MCTP2: variants seen among roughly 807,000 people sequenced by gnomAD.
MCTP2 encodes multiple C2 and transmembrane domain-containing protein 2.
Under a neutral mutation model 111.6 loss-of-function variants are expected in MCTP2, and 132 were observed. That is an observed-to-expected ratio of 1.18 (90% CI 1.03 to 1.37). The LOEUF is 1.37. Ranked by LOEUF, MCTP2 falls within the 40% of genes most tolerant of loss-of-function variation. MCTP2 has a pLI of 0.00. For missense variants in MCTP2, 1,183 were observed against 1,067.9 expected (o/e 1.11, Z -1.50); for synonymous variants, 395 against 387.7 (o/e 1.02, Z -0.22).
rs371499675 is a variant in MCTP2 at position 94,356,275 on chromosome 15, C to G, written c.1144C>G (p.Leu382Val). 1.4e-5 allele frequency: 23 copies of G among 1,610,340 alleles called. No homozygotes were observed. Among genetic ancestry groups the G allele is most frequent in the Non-Finnish European group, 1.8e-5 (21 of 1,178,256 alleles). Residue 382 changes from leucine to valine, a missense_variant, in exon 9 of 23, where the codon CTG becomes GTG. By Grantham distance (32) the Leu-to-Val change is conservative. Transcript: ENST00000357742. ...SMTEMFVQLK[L>V]GDQRYKSKTL... ...GACAGAGATGTTTGTCCAGTTAAAA[C>G]TGGGAGATCAGAGGTATAAAAGTAA... is the stretch of plus-strand genomic sequence containing the variant.
At chr15:94,291,458 G>A (rs2075026364) in intron 1 of MCTP2, among the ~76,000 whole-genome samples, 1 of 152,018 alleles carries the variant, frequency 6.6e-6, no homozygotes, top group Non-Finnish European at 1.5e-5. Flanking sequence ...CAAAATTGCC[G>A]AGAGTGGTGG....
intron 1 of MCTP2, among the ~76,000 whole-genome samples, chr15:94,247,188 G>A (rs2072075927): frequency 6.6e-6 from 1 of 152,134 alleles, no homozygotes; most frequent in Non-Finnish European, 1.5e-5. Context: ...TAATTCATCT[G>A]TGGCAGCTTT....
chr15:94,384,351 T>C (rs189059725), intron 13 of MCTP2, among the ~76,000 whole-genome samples: 113 of 152,306 alleles, frequency 7.4e-4, no homozygotes, highest in African/African-American at 2.3e-3. Flanking sequence ...AGTAGATCTT[T>C]TAGTGACTAA....
chr15:94,249,520 C>T (rs1304176281), intron 1 of MCTP2, among the ~76,000 whole-genome samples: 1 of 151,046 alleles, frequency 6.6e-6, no homozygotes, highest in Non-Finnish European at 1.5e-5. Flanking sequence ...GAGTCTCACT[C>T]TGTCACCCAG....
At chr15:94,234,481 G>A (rs1391487075) in intron 1 of MCTP2, among the ~76,000 whole-genome samples, 1 of 152,092 alleles carries the variant, frequency 6.6e-6, no homozygotes, top group African/African-American at 2.4e-5. Flanking sequence ...TCACACCCAC[G>A]GGGGGCCCTG....
intron 4 of MCTP2, among the ~76,000 whole-genome samples, chr15:94,321,071 A>G (rs1428040175): frequency 1.3e-5 from 2 of 152,190 alleles, no homozygotes; most frequent in East Asian, 3.9e-4. Flanking sequence ...GCACAAAAAG[A>G]CAAATATCCC....
intron 1 of MCTP2, among the ~76,000 whole-genome samples, chr15:94,292,026 A>T (rs2075055486): frequency 6.6e-6 from 1 of 152,350 alleles, no homozygotes; most frequent in Admixed American, 6.5e-5. Flanking sequence ...TTTAGCCACC[A>T]CCTTAAGAAA....
At chr15:94,471,411 A>G (rs901010406) in intron 21 of MCTP2, among the ~76,000 whole-genome samples, 1 of 152,218 alleles carries the variant, frequency 6.6e-6, no homozygotes, top group Non-Finnish European at 1.5e-5. Flanking sequence ...CAACCTTTCT[A>G]AAAACCATTA....
intron 17 of MCTP2, among the ~76,000 whole-genome samples, chr15:94,435,293 C>G (rs2083410948): frequency 6.6e-6 from 1 of 152,152 alleles, no homozygotes; most frequent in South Asian, 2.1e-4. Context: ...ATGAACTAGG[C>G]ATATTTATTT....
chr15:94,367,472 G>C (rs2079250871), intron 10 of MCTP2, 133 bp from the exon 11 acceptor site: 1 of 663,754 alleles, frequency 1.5e-6, no homozygotes. Context: ...GGCAACCTTT[G>C]CTGCTCAATA....
intron 21 of MCTP2, 148 bp downstream of exon 21, chr15:94,470,590 A>G (rs746407576): frequency 4.5e-6 from 3 of 661,332 alleles, no homozygotes; most frequent in Non-Finnish European, 8.0e-6. Context: ...AAAAACTTCC[A>G]GGACCTCCCT....
chr15:94,459,472 A>C (rs2085053375), intron 20 of MCTP2, among the ~76,000 whole-genome samples: 1 of 152,192 alleles, frequency 6.6e-6, no homozygotes, highest in Admixed American at 6.5e-5. Flanking sequence ...GTTTAAAAAA[A>C]GTAAGTTATA....
chr15:94,273,105 C>T (rs1250490241), intron 1 of MCTP2, among the ~76,000 whole-genome samples: 2 of 152,198 alleles, frequency 1.3e-5, no homozygotes, highest in Admixed American at 6.5e-5. Flanking sequence ...AGTGACATAC[C>T]GTCTCTCATC....
At chr15:94,366,925 TG>T in intron 10 of MCTP2, among the ~76,000 whole-genome samples, 1 of 152,316 alleles carries the variant, frequency 6.6e-6, no homozygotes, top group African/African-American at 2.4e-5. Context: ...GAACATTGGC[TG>T]TTAAGAGGCG....
chr15:94,233,395 A>G (rs1268277389), intron 1 of MCTP2, among the ~76,000 whole-genome samples: 1 of 152,120 alleles, frequency 6.6e-6, no homozygotes, highest in Non-Finnish European at 1.5e-5. Flanking sequence ...AATTGCATAT[A>G]TATTCTCTCT....
intron 5 of MCTP2, among the ~76,000 whole-genome samples, chr15:94,339,802 G>GGGTTAAAA (rs2077540068): frequency 6.6e-6 from 1 of 152,162 alleles, no homozygotes; most frequent in African/African-American, 2.4e-5. Context: ...GGTTAAAACT[G>GGGTTAAAA]CATGAGTTGA....
At chr15:94,324,331 T>C (rs764861152) in intron 4 of MCTP2, among the ~76,000 whole-genome samples, 3 of 152,254 alleles carry the variant, frequency 2.0e-5, no homozygotes, top group Non-Finnish European at 2.9e-5. Flanking sequence ...TTTAAAACCC[T>C]GTGCTTTGCT....
chr15:94,250,371 T>C (rs1314005996), intron 1 of MCTP2, among the ~76,000 whole-genome samples: 1 of 152,208 alleles, frequency 6.6e-6, no homozygotes, highest in Non-Finnish European at 1.5e-5. Flanking sequence ...CAAGAGATTC[T>C]ATCCTTCACT....
intron 17 of MCTP2, among the ~76,000 whole-genome samples, chr15:94,406,152 C>A (rs970345825): frequency 6.6e-6 from 1 of 152,146 alleles, no homozygotes; most frequent in African/African-American, 2.4e-5. Context: ...ATTCATAGTT[C>A]ATGTTATTTC....
Sources: allele counts gnomAD v4.1 joint callset (sites outside exome capture counted in the v4.1 genomes callset), GRCh38; gene constraint gnomAD v4.1.1; transcripts MANE v1.5; gene names NCBI Gene and HGNC (gene_info 2026-07-23, HGNC 2026-07-21).